Variants in PCDH9 observed in about 807,000 individuals in gnomAD.
PCDH9 encodes protocadherin-9.
PCDH9 carries 24 observed loss-of-function variants against 70.6 expected under a neutral mutation model. That is an observed-to-expected ratio of 0.34 (90% CI 0.25 to 0.48). The LOEUF is 0.48. Ranked by LOEUF, PCDH9 falls within the 20% of genes least tolerant of loss-of-function variation. The pLI is 0.99. For missense variants in PCDH9, 1,281 were observed against 1,503.6 expected (o/e 0.85, Z 2.45); for synonymous variants, 562 against 558.5 (o/e 1.01, Z -0.09).
intron 2 of PCDH9, among the ~76,000 whole-genome samples, chr13:66,932,311 G>T (rs9564363): frequency 0.17 from 25,695 of 152,056 alleles, 2,534 homozygotes; most frequent in East Asian, 0.34. Context: ...TTAGCCAGGA[G>T]CATCCTTTCT....
In PCDH9 at chr13:66,632,870, A is replaced by G. The variant is rs1593810812; in HGVS notation, c.3139-1459T>C. On this transcript the variant is annotated intron_variant, in intron 3 of 4. Transcript: ENST00000377865. ...ATGATGAATGTATATATTAAAAAAT[A>G]TATAATATACAAGTATATAATGTAC... 3.9e-5 allele frequency among the ~76,000 whole-genome samples: 6 copies of G among 152,096 alleles called. No individual in the cohort carries two copies. In the East Asian group the frequency reaches 1.2e-3, roughly 29 times the overall value.
At chr13:66,404,754 T>G (rs1957250784) in intron 4 of PCDH9, among the ~76,000 whole-genome samples, 1 of 152,100 alleles carries the variant, frequency 6.6e-6, no homozygotes, top group South Asian at 2.1e-4. Context: ...TATTTCAATA[T>G]TTTTACTCAC....
intron 2 of PCDH9, among the ~76,000 whole-genome samples, chr13:67,144,052 T>C (rs2087462179): frequency 6.6e-6 from 1 of 152,088 alleles, no homozygotes; most frequent in Non-Finnish European, 1.5e-5. Context: ...AAATTCCCTT[T>C]AGTCCAAGGA....
intron 4 of PCDH9, among the ~76,000 whole-genome samples, chr13:66,392,396 A>G (rs1187516741): frequency 2.0e-5 from 3 of 152,138 alleles, no homozygotes; most frequent in Non-Finnish European, 4.4e-5. Flanking sequence ...TAATTTTCAA[A>G]ATATTTATTA....
chr13:66,904,416 C>A (rs1048849268), intron 2 of PCDH9, among the ~76,000 whole-genome samples: 5 of 151,936 alleles, frequency 3.3e-5, no homozygotes, highest in Non-Finnish European at 5.9e-5. Context: ...AGACTCAAGG[C>A]AAGCAATATT....
At chr13:66,933,631 T>A (rs2082852955) in intron 2 of PCDH9, among the ~76,000 whole-genome samples, 1 of 152,160 alleles carries the variant, frequency 6.6e-6, no homozygotes, top group Non-Finnish European at 1.5e-5. Flanking sequence ...AGAGATATTT[T>A]TAGTTGTTCC....
rs146502905 is a variant in PCDH9, at chr13:67,131,764, T to A, written c.3036+93641A>T. 4.8e-3 allele frequency among the ~76,000 whole-genome samples: 728 copies of A among 152,298 alleles called. 8 individuals are homozygous for A. The highest frequency in any genetic ancestry group is 0.016 in the African/African-American group (666 of 41,584). ...CAATTTTTAGTTTCCACTTTAACAC[T>A]TTCCTTCAATTACAATCGGCAGCAC... On this transcript the variant is annotated intron_variant, in intron 2 of 4. Coordinates refer to ENST00000377865, the MANE Select transcript of PCDH9 (RefSeq NM_203487.3).
Position 66,304,877 on chromosome 13 carries a change from C to T in PCDH9, c.3492G>A (p.Gln1164=). Residue 1164 remains glutamine (Q), a synonymous_variant, in exon 5 of 5, where the codon CAG becomes CAA. Transcript: ENST00000377865. ...PKSPLSTFAP[Q]KEWVKKDKLV... ...GCTTGTCCTTCTTCACCCATTCTTTCTGGGGTGCAAAGGTTGAGAGAGGAG... is the reference window on the plus strand; with the variant it reads ...GCTTGTCCTTCTTCACCCATTCTTTTTGGGGTGCAAAGGTTGAGAGAGGAG... 6.2e-7 allele frequency: 1 copy of T among 1,613,576 alleles called. No homozygotes were observed. The highest frequency in any genetic ancestry group is 8.5e-7 in the Non-Finnish European group (1 of 1,179,766).
intron 2 of PCDH9, among the ~76,000 whole-genome samples, chr13:67,060,658 T>C (rs1300940588): frequency 6.6e-6 from 1 of 152,080 alleles, no homozygotes; most frequent in African/African-American, 2.4e-5. Flanking sequence ...ATCAGCTTTT[T>C]AGCTTTCATT....
At chr13:66,508,155 A>C (rs1336872661) in intron 4 of PCDH9, among the ~76,000 whole-genome samples, 1 of 152,212 alleles carries the variant, frequency 6.6e-6, no homozygotes, top group Non-Finnish European at 1.5e-5. Context: ...GGTATGCCCT[A>C]AATAACTGTT....
chr13:66,345,892 G>A (rs1293025302), intron 4 of PCDH9, among the ~76,000 whole-genome samples: 6 of 152,118 alleles, frequency 3.9e-5, no homozygotes, highest in Non-Finnish European at 7.4e-5. Flanking sequence ...TTGAGGAAAA[G>A]ACCCCAGTGA....
chr13:66,948,920 G>A (rs189019377), intron 2 of PCDH9, among the ~76,000 whole-genome samples: 4 of 152,164 alleles, frequency 2.6e-5, no homozygotes, highest in Admixed American at 2.6e-4. Flanking sequence ...TTGAAACTAC[G>A]CAGTAGGGTG....
intron 3 of PCDH9, among the ~76,000 whole-genome samples, chr13:66,818,594 C>A (rs895765331): frequency 1.3e-5 from 2 of 152,086 alleles, no homozygotes; most frequent in African/African-American, 4.8e-5. Context: ...CACTGTAAAT[C>A]CTGGTCAAGC....
chr13:66,624,652 T>C (rs1285577221), intron 4 of PCDH9, among the ~76,000 whole-genome samples: 1 of 152,240 alleles, frequency 6.6e-6, no homozygotes, highest in Non-Finnish European at 1.5e-5. Context: ...TAAAAGGTCT[T>C]TAATGGAGCA....
intron 3 of PCDH9, among the ~76,000 whole-genome samples, chr13:66,843,861 A>C (rs549679993): frequency 6.6e-6 from 1 of 152,332 alleles, no homozygotes; most frequent in South Asian, 2.1e-4. Flanking sequence ...ACAAGTCAAC[A>C]AGTGTCCTTA....
intron 3 of PCDH9, among the ~76,000 whole-genome samples, chr13:66,771,815 A>T (rs185261859): frequency 4.7e-4 from 71 of 152,350 alleles, no homozygotes; most frequent in African/African-American, 1.6e-3. Context: ...TGGAATTATC[A>T]TCAATATTAA....
chr13:66,509,963 C>T (rs752045074), intron 4 of PCDH9, among the ~76,000 whole-genome samples: 5 of 152,188 alleles, frequency 3.3e-5, no homozygotes, highest in Non-Finnish European at 5.9e-5. Context: ...TTGATTTTCA[C>T]ATGCGCTTTC....
intron 3 of PCDH9, among the ~76,000 whole-genome samples, chr13:66,713,625 G>A (rs9540872): frequency 0.53 from 56,710 of 106,002 alleles, 16,050 homozygotes; most frequent in African/African-American, 0.59. Flanking sequence ...GTGTGTGTGT[G>A]TATATATATA....
At chr13:66,788,068 C>T (rs2080107203) in intron 3 of PCDH9, among the ~76,000 whole-genome samples, 1 of 152,158 alleles carries the variant, frequency 6.6e-6, no homozygotes, top group South Asian at 2.1e-4. Flanking sequence ...TCTTCATCCA[C>T]TTTGTGTTGC....
Sources: gnomAD v4.1 joint callset for allele counts (sites outside exome capture counted in the v4.1 genomes callset) on GRCh38, gnomAD v4.1.1 for gene constraint, MANE v1.5 for transcripts, NCBI Gene and HGNC (gene_info 2026-07-23, HGNC 2026-07-21) for gene names.